PACS1: variants seen among roughly 807,000 people sequenced by gnomAD.
The protein encoded by PACS1 is phosphofurin acidic cluster sorting protein 1, also known as PACS-1.
In PACS1, 24 loss-of-function variants were observed where a neutral mutation model predicts 115.0. The ratio of observed to expected loss-of-function variants is 0.21; its 90% CI spans 0.15 to 0.29. PACS1 has a LOEUF of 0.29. PACS1 is among the 10% of genes least tolerant of loss of function. The pLI is 1.00. For synonymous variants in PACS1, 453 were observed against 504.5 expected, an observed-to-expected ratio of 0.90 and a Z score of 1.37; for missense variants, 838 against 1,251.2, an observed-to-expected ratio of 0.67 and a Z score of 4.98.
At chr11:66,146,698 A>G (rs1206124473) in intron 1 of PACS1, among the ~76,000 whole-genome samples, 1 of 152,152 alleles carries the variant, frequency 6.6e-6, no homozygotes. Flanking sequence ...TTCAAATCGG[A>G]TAAATATTAA....
intron 1 of PACS1, among the ~76,000 whole-genome samples, chr11:66,142,726 T>A (rs1301552815): frequency 6.6e-6 from 1 of 151,520 alleles, no homozygotes; most frequent in Non-Finnish European, 1.5e-5. Flanking sequence ...AAAAAGAAGG[T>A]TTGTGACCAG....
chr11:66,232,554 C>T (rs190288160), intron 14 of PACS1, among the ~76,000 whole-genome samples: 8 of 152,322 alleles, frequency 5.3e-5, no homozygotes, highest in African/African-American at 1.7e-4. Flanking sequence ...TCCTCCAGGG[C>T]GCCACATGCG....
intron 2 of PACS1, among the ~76,000 whole-genome samples, chr11:66,201,392 T>C (rs1342563086): frequency 6.6e-6 from 1 of 152,162 alleles, no homozygotes; most frequent in Non-Finnish European, 1.5e-5. Flanking sequence ...TGAAATTTTC[T>C]TGAAGCAAAT....
In PACS1 at chr11:66,105,957, A is replaced by AGT. The variant is rs1006085887; in HGVS notation, c.356+35117_356+35118dup. On this transcript the variant is annotated intron_variant, in intron 1 of 23. Transcript: ENST00000320580. Reference sequence around the variant, plus strand: ...AACCCATACAGGCAGGGTAGAAAGGAGTGGCCTGGGTGAGAATGTCTAATG... The same window carrying AGT: ...AACCCATACAGGCAGGGTAGAAAGGAGTGTGGCCTGGGTGAGAATGTCTAATG... Among the ~76,000 whole-genome samples, 75 of 152,314 alleles carry AGT rather than the reference A, an allele frequency of 4.9e-4. 1 individual carries two copies. The highest frequency in any genetic ancestry group is 4.1e-3 in the Admixed American group (63 of 15,292).
chr11:66,235,508 C>T lies in PACS1; in HGVS notation c.2207+105C>T, dbSNP rs1056830833. 18 of 834,688 alleles carry T rather than the reference C, an allele frequency of 2.2e-5. No individual in the cohort carries two copies. Among genetic ancestry groups the T allele is most frequent in the Non-Finnish European group, 3.5e-5 (18 of 512,166 alleles). 51.7% of individuals were successfully genotyped at this position (834,688 alleles called of 1,614,324 possible). On this transcript the variant is annotated intron_variant, in intron 18 of 23. Transcript: ENST00000320580. This position sits in a 1 kb window ranked among gnomAD's most constrained non-coding sequence, Gnocchi z 5.6. The stretch of plus-strand genomic sequence containing the variant: ...TTTTCCTTCTCCACATGCTATATTC[C>T]TTCATAGGAACCCAAAAGGATATGA...
chr11:66,203,700 T>TA (rs1282114417), intron 2 of PACS1, among the ~76,000 whole-genome samples: 3 of 152,114 alleles, frequency 2.0e-5, no homozygotes, highest in African/African-American at 7.2e-5. Context: ...AATAAATCCA[T>TA]ACATCTACAG....
chr11:66,235,241 G>A lies in PACS1; in HGVS notation c.2105-60G>A, dbSNP rs980039969. On this transcript the variant is annotated intron_variant, in intron 17 of 23. Transcript: ENST00000320580. The surrounding 1 kb of genome is among the most constrained non-coding windows in gnomAD (Gnocchi z 5.6). ...CAGGAAGGGATCCCTCTCCGAGAGGGTCTGCAGGTTTGCCAGCTGAAGTCA... is the reference window on the plus strand; with the variant it reads ...CAGGAAGGGATCCCTCTCCGAGAGGATCTGCAGGTTTGCCAGCTGAAGTCA... 8.8e-6 allele frequency: 11 copies of A among 1,248,950 alleles called. No individual in the cohort carries two copies. Among genetic ancestry groups the A allele is most frequent in the Non-Finnish European group, 1.3e-5 (11 of 848,504 alleles). The allele number at this position is 1,248,950 out of a possible 1,614,324, so 77.4% of individuals were successfully genotyped here. A position where few individuals can be genotyped will look rare whatever the true frequency, so the allele number is the denominator to read the frequency against.
chr11:66,140,294 AG>A (rs1858947883), intron 1 of PACS1, among the ~76,000 whole-genome samples: 1 of 152,300 alleles, frequency 6.6e-6, no homozygotes, highest in East Asian at 1.9e-4. Context: ...TTTTTGACTG[AG>A]CTCTAGTTCG....
At position 66,088,805 on chromosome 11, in the gene PACS1, C is replaced by G. The variant is rs1857613428; in HGVS notation, c.356+17963C>G. 3.9e-5 allele frequency among the ~76,000 whole-genome samples: 6 copies of G among 152,258 alleles called. No individual in the cohort carries two copies. In the South Asian group the frequency reaches 1.2e-3, roughly 32 times the overall value. On this transcript the variant is annotated intron_variant, in intron 1 of 23. Coordinates refer to ENST00000320580, the MANE Select transcript of PACS1 (RefSeq NM_018026.4). ...CTTCTCTTGGGGGAGAAATTTTATT[C>G]AGGATTGCATTGATCTCTATGGATT...
intron 1 of PACS1, among the ~76,000 whole-genome samples, chr11:66,096,079 C>T (rs1857772841): frequency 6.6e-6 from 1 of 151,982 alleles, no homozygotes; most frequent in African/African-American, 2.4e-5. Context: ...GGATTACAGG[C>T]ATGCACTACC....
chr11:66,242,866 G>T (rs376378898), intron 22 of PACS1, 46 bp from the exon 23 acceptor site: 1 of 1,610,952 alleles, frequency 6.2e-7, no homozygotes, highest in South Asian at 1.1e-5. Flanking sequence ...GAGGGGTGGC[G>T]GCTTCCCCAG....
intron 1 of PACS1, among the ~76,000 whole-genome samples, chr11:66,098,647 C>T (rs931301344): frequency 2.0e-5 from 3 of 152,172 alleles, no homozygotes; most frequent in Non-Finnish European, 4.4e-5. Context: ...TTTGCTGCCC[C>T]AACTATATCT....
At chr11:66,109,813 G>A (rs1858146317) in intron 1 of PACS1, among the ~76,000 whole-genome samples, 1 of 152,156 alleles carries the variant, frequency 6.6e-6, no homozygotes, top group Admixed American at 6.5e-5. Flanking sequence ...GGCAATTCCT[G>A]GTGTTAAGTG....
At chr11:66,200,201 A>G (rs1053045988) in intron 2 of PACS1, among the ~76,000 whole-genome samples, 2 of 152,104 alleles carry the variant, frequency 1.3e-5, no homozygotes, top group Admixed American at 6.6e-5. Flanking sequence ...AATTTGAAAA[A>G]TTAGCTGGAT....
At chr11:66,169,842 A>G (rs1859695935) in intron 1 of PACS1, among the ~76,000 whole-genome samples, 1 of 150,436 alleles carries the variant, frequency 6.6e-6, no homozygotes, top group Admixed American at 6.6e-5. Context: ...TATGAAATGA[A>G]TTGGAAAGTG....
intron 1 of PACS1, among the ~76,000 whole-genome samples, chr11:66,087,829 A>G (rs1361932787): frequency 6.6e-6 from 1 of 152,142 alleles, no homozygotes; most frequent in Non-Finnish European, 1.5e-5. Context: ...TGTGGGGTAT[A>G]TGGACAGTAT....
chr11:66,241,488 C>G lies in PACS1; in HGVS notation c.2491C>G (p.Pro831Ala). ...CCAGGTGGACTACTGGCTGGGCCAC[C>G]CCGGGGAGCGGAGGAGGGAAGGCGA... Reference protein sequence around the residue: ...GLQVDYWLGHPGERRREGDKR... With the variant: ...GLQVDYWLGHAGERRREGDKR... Residue 831 changes from proline (P) to alanine (A), a missense_variant, in exon 22 of 24, where the codon CCC (proline) becomes GCC (alanine). Physicochemically the swap from Pro to Ala is conservative, Grantham distance 27 (BLOSUM62 -1). Transcript: ENST00000320580. 6.2e-7 allele frequency: 1 copy of G among 1,613,000 alleles called. No homozygotes were observed. Among genetic ancestry groups the G allele is most frequent in the Non-Finnish European group, 8.5e-7 (1 of 1,179,574 alleles).
At chr11:66,097,097 AAAGT>A (rs1299151241) in intron 1 of PACS1, among the ~76,000 whole-genome samples, 2 of 151,906 alleles carry the variant, frequency 1.3e-5, no homozygotes, top group African/African-American at 4.8e-5. Flanking sequence ...CAATTTTTTC[AAAGT>A]GATTGTATCA....
intron 1 of PACS1, among the ~76,000 whole-genome samples, chr11:66,072,007 TC>T (rs764862092): frequency 6.6e-6 from 1 of 152,216 alleles, no homozygotes; most frequent in Non-Finnish European, 1.5e-5. Context: ...TCTCCCCTCT[TC>T]CTTCTACAAA....
Sources: allele counts gnomAD v4.1 joint callset (sites outside exome capture counted in the v4.1 genomes callset), GRCh38; gene constraint gnomAD v4.1.1; non-coding constraint Gnocchi (gnomAD v3.1); transcripts MANE v1.5; gene names NCBI Gene and HGNC (gene_info 2026-07-23, HGNC 2026-07-21).